TM9SF4: variants seen among roughly 807,000 people sequenced by gnomAD.
TM9SF4 encodes dinucleotide oxidase disulfide thiol exchanger 3 superfamily member 4.
TM9SF4 carries 26 observed loss-of-function variants against 90.4 expected under a neutral mutation model. The observed-to-expected ratio is 0.29, with a 90% CI of 0.21 to 0.40. TM9SF4 has a LOEUF of 0.40. TM9SF4 is among the 10% of genes least tolerant of loss of function. The pLI is 1.00. For missense variants in TM9SF4, 549 were observed against 834.8 expected (o/e 0.66, Z 4.22); for synonymous variants, 293 against 315.4 (o/e 0.93, Z 0.75).
At chr20:32,158,322 G>T in intron 14 of TM9SF4, 129 bp from the exon 15 acceptor site, 1 of 950,814 alleles carries the variant, frequency 1.1e-6, no homozygotes, top group Non-Finnish European at 1.7e-6. Flanking sequence ...TAATAGTACA[G>T]AAATATGCCA....
At chr20:32,120,251 T>C (rs978753380) in intron 1 of TM9SF4, among the ~76,000 whole-genome samples, 6 of 152,168 alleles carry the variant, frequency 3.9e-5, no homozygotes, top group Admixed American at 6.5e-5. Flanking sequence ...ATCCTGACAA[T>C]ATTGAGTCTT....
intron 8 of TM9SF4, 41 bp downstream of exon 8, chr20:32,145,464 G>A (rs774803112): frequency 1.3e-6 from 2 of 1,569,282 alleles, no homozygotes; most frequent in Admixed American, 1.7e-5. Context: ...ATGGGGGTTG[G>A]GGTTGAGGGA....
intron 12 of TM9SF4, among the ~76,000 whole-genome samples, chr20:32,152,284 G>A (rs1030607205): frequency 6.6e-6 from 1 of 151,604 alleles, no homozygotes; most frequent in African/African-American, 2.4e-5. Flanking sequence ...TTCTTCCCTG[G>A]AGAGGTCACC....
At chr20:32,130,015 G>A (rs2046487721) in intron 1 of TM9SF4, among the ~76,000 whole-genome samples, 1 of 152,152 alleles carries the variant, frequency 6.6e-6, no homozygotes, top group Non-Finnish European at 1.5e-5. Flanking sequence ...GTACTTTTGG[G>A]GGACTTTTGG....
chr20:32,115,806 G>GTTTTTTTTTTTTTTTTTTTTT lies in TM9SF4; in HGVS notation c.15+6051_15+6052insTTTTTTTTTTTTTTTTTTTTT, dbSNP rs1243268586. ...GTAATAACAAAACCTACCACTTTAA[G>GTTTTTTTTTTTTTTTTTTTTT]CTTTTTTTTTTTTTTTTTTTTTTTT... On this transcript the variant is annotated intron_variant, in intron 1 of 17. Coordinates refer to ENST00000398022, the MANE Select transcript of TM9SF4 (RefSeq NM_014742.4). Among the ~76,000 whole-genome samples the GTTTTTTTTTTTTTTTTTTTTT allele has an allele frequency of 7.5e-5, 8 of 106,306 alleles. 3 individuals carry two copies. Among genetic ancestry groups the GTTTTTTTTTTTTTTTTTTTTT allele is most frequent in the Non-Finnish European group, 7.4e-5 (4 of 54,314 alleles). 69.7% of individuals were successfully genotyped at this position (106,306 alleles called of 152,430 possible).
rs903404538 is a variant in TM9SF4 at position 32,150,609 on chromosome 20, C to T, written c.1088-13C>T. 6 of 1,614,144 alleles carry T rather than the reference C, an allele frequency of 3.7e-6. No homozygotes were observed. Among genetic ancestry groups the T allele is most frequent in the Non-Finnish European group, 3.4e-6 (4 of 1,180,028 alleles). ...TGCCTTTCTCTGCCCTTCCTCCCTCCCTCCCTCCACAGTTGTAGCCATGCT... is the reference window on the plus strand; with the variant it reads ...TGCCTTTCTCTGCCCTTCCTCCCTCTCTCCCTCCACAGTTGTAGCCATGCT... On this transcript the variant is annotated splice_polypyrimidine_tract_variant and intron_variant, in intron 10 of 17. Transcript: ENST00000398022.
chr20:32,160,186 G>A (rs1338623414), intron 16 of TM9SF4, 75 bp downstream of exon 16: 1 of 1,600,150 alleles, frequency 6.2e-7, no homozygotes, highest in Non-Finnish European at 8.5e-7. Context: ...AGGCTCTGCG[G>A]AGAGGCTGGG....
chr20:32,125,681 CTTTTTTTTT>C (rs11470673), intron 1 of TM9SF4, among the ~76,000 whole-genome samples: 15 of 108,928 alleles, frequency 1.4e-4, no homozygotes, highest in East Asian at 1.2e-3. Flanking sequence ...TCTCTTTTTT[CTTTTTTTTT>C]TTTTTTTTTT....
chr20:32,134,502 G>A (rs2046567030), intron 2 of TM9SF4, among the ~76,000 whole-genome samples: 1 of 152,108 alleles, frequency 6.6e-6, no homozygotes, highest in East Asian at 1.9e-4. Flanking sequence ...GGCAAGAACT[G>A]ACCAGAACTG....
intron 1 of TM9SF4, among the ~76,000 whole-genome samples, chr20:32,123,779 CTT>C (rs1391340828): frequency 6.8e-6 from 1 of 146,932 alleles, no homozygotes; most frequent in East Asian, 2.0e-4. Flanking sequence ...ACTTGTAAGT[CTT>C]TTATGTTCTT....
chr20:32,137,272 G>A (rs976053192), intron 3 of TM9SF4, among the ~76,000 whole-genome samples: 20 of 152,140 alleles, frequency 1.3e-4, no homozygotes, highest in African/African-American at 3.6e-4. Flanking sequence ...GCCTCTCCCC[G>A]GGAAGCCTGA....
At chr20:32,131,481 AGT>A (rs10524812) in intron 1 of TM9SF4, among the ~76,000 whole-genome samples, 1,757 of 147,504 alleles carry the variant, frequency 0.012, 32 homozygotes, top group African/African-American at 0.04. Flanking sequence ...GAGTCATCAG[AGT>A]GTGTGTGTGT....
chr20:32,158,430 C>T, intron 14 of TM9SF4, 21 bp from the exon 15 acceptor site: 2 of 1,614,096 alleles, frequency 1.2e-6, no homozygotes, highest in Non-Finnish European at 1.7e-6. Context: ...CTAACAATGT[C>T]AACCTCTCGT....
At chr20:32,122,421 C>G (rs377699518) in intron 1 of TM9SF4, among the ~76,000 whole-genome samples, 7 of 149,728 alleles carry the variant, frequency 4.7e-5, no homozygotes, top group Admixed American at 6.6e-5. Flanking sequence ...GGGGTGCTGC[C>G]GGGCGGAGAG....
chr20:32,158,020 C>T (rs2046955368), intron 14 of TM9SF4, 51 bp downstream of exon 14: 1 of 1,600,376 alleles, frequency 6.2e-7, no homozygotes, highest in African/African-American at 1.3e-5. Context: ...GAGGGTACGC[C>T]CCCCTCCGCC....
chr20:32,143,768 A>C (rs1414759224), intron 6 of TM9SF4, among the ~76,000 whole-genome samples: 1 of 151,882 alleles, frequency 6.6e-6, no homozygotes, highest in Non-Finnish European at 1.5e-5. Context: ...TGTTCAAACA[A>C]AATTAGACAC....
intron 3 of TM9SF4, among the ~76,000 whole-genome samples, chr20:32,141,216 CAAAAA>C (rs71185383): frequency 3.8e-5 from 1 of 26,012 alleles, no homozygotes; most frequent in Non-Finnish European, 7.5e-5. Flanking sequence ...GACTCCATCT[CAAAAA>C]AAAAAAAAAA....
chr20:32,146,455 G>A (rs1319577953), intron 8 of TM9SF4, among the ~76,000 whole-genome samples: 2 of 152,178 alleles, frequency 1.3e-5, no homozygotes, highest in Non-Finnish European at 2.9e-5. Context: ...GATAGCCAGA[G>A]GTGGAGCCAC....
chr20:32,149,055 A>T (rs1318239386), intron 9 of TM9SF4, among the ~76,000 whole-genome samples: 21 of 152,244 alleles, frequency 1.4e-4, no homozygotes, highest in Admixed American at 1.4e-3. Context: ...ATAACAAAGT[A>T]CATAGTGTGA....
Sources: allele counts gnomAD v4.1 joint callset (sites outside exome capture counted in the v4.1 genomes callset), GRCh38; gene constraint gnomAD v4.1.1; transcripts MANE v1.5; gene names NCBI Gene and HGNC (gene_info 2026-07-23, HGNC 2026-07-21).